HMCN1: variants seen among roughly 807,000 people sequenced by gnomAD.
The protein encoded by HMCN1 is hemicentin-1.
Under a neutral mutation model 625.9 loss-of-function variants are expected in HMCN1, and 321 were observed. That is an observed-to-expected ratio of 0.51 (90% CI 0.47 to 0.56). The LOEUF is 0.56. Ranked by LOEUF, HMCN1 falls within the 20% of genes least tolerant of loss-of-function variation. HMCN1 has a pLI of 0.00. For missense variants in HMCN1, 6,588 were observed against 6,887.3 expected, an observed-to-expected ratio of 0.96 and a Z score of 1.54; for synonymous variants, 2,425 against 2,417.6, an observed-to-expected ratio of 1.00 and a Z score of -0.09.
At chr1:185,798,622 C>T (rs1382414128) in intron 1 of HMCN1, among the ~76,000 whole-genome samples, 4 of 151,966 alleles carry the variant, frequency 2.6e-5, no homozygotes, top group African/African-American at 9.7e-5. Context: ...AAAGACCTGC[C>T]TTCAGACTCT....
intron 30 of HMCN1, among the ~76,000 whole-genome samples, chr1:186,009,985 C>T (rs368194541): frequency 1.3e-4 from 20 of 152,044 alleles, no homozygotes; most frequent in African/African-American, 4.3e-4. Context: ...AAATAGAGTT[C>T]GCGCTCCTAT....
At chr1:186,102,847 T>A (rs1429983962) in intron 68 of HMCN1, among the ~76,000 whole-genome samples, 1 of 152,140 alleles carries the variant, frequency 6.6e-6, no homozygotes, top group Non-Finnish European at 1.5e-5. Flanking sequence ...CTAAAGAACC[T>A]TAAATGTTTC....
chr1:186,082,354 G>T (rs1476964286), intron 56 of HMCN1, among the ~76,000 whole-genome samples: 1 of 152,118 alleles, frequency 6.6e-6, no homozygotes, highest in East Asian at 1.9e-4. Context: ...CATATCTGGG[G>T]CCTAAGTTGC....
At chr1:185,985,836 T>C (rs1049487534) in intron 19 of HMCN1, among the ~76,000 whole-genome samples, 2 of 152,194 alleles carry the variant, frequency 1.3e-5, no homozygotes, top group Non-Finnish European at 2.9e-5. Context: ...GTCAATCCAA[T>C]TCTTAAAATA....
intron 82 of HMCN1, 121 bp downstream of exon 82, chr1:186,125,915 A>T: frequency 1.4e-6 from 1 of 721,388 alleles, no homozygotes; most frequent in Non-Finnish European, 2.3e-6. Flanking sequence ...TTGTAAAATC[A>T]GGTCACAAAA....
In HMCN1 at chr1:186,017,081, T is replaced by C. The variant is rs1654415231; in HGVS notation, c.5300+10T>C. 1 of 1,423,128 alleles carries C rather than the reference T, an allele frequency of 7.0e-7. No individual in the cohort carries two copies. The highest frequency in any genetic ancestry group is 1.4e-5 in the African/African-American group (1 of 71,088). The allele number at this position is 1,423,128 out of a possible 1,614,324, so 88.2% of individuals were successfully genotyped here. A position where few individuals can be genotyped will look rare whatever the true frequency, so the allele number is the denominator to read the frequency against. ...CCCCACCAACTATCATGTAAGGGTTTTGGTATGTCTTCTAAATACCTCCTG... is the reference window on the plus strand; with the variant it reads ...CCCCACCAACTATCATGTAAGGGTTCTGGTATGTCTTCTAAATACCTCCTG... On this transcript the variant is annotated intron_variant, in intron 33 of 106. Transcript: ENST00000271588.
intron 1 of HMCN1, among the ~76,000 whole-genome samples, chr1:185,841,575 C>A (rs1159327571): frequency 6.6e-6 from 1 of 152,110 alleles, no homozygotes. Flanking sequence ...CTCCTCCTTC[C>A]TCCTATATTC....
intron 4 of HMCN1, among the ~76,000 whole-genome samples, chr1:185,866,855 TTTTG>T (rs1363118091): frequency 5.3e-5 from 8 of 152,146 alleles, no homozygotes; most frequent in Non-Finnish European, 1.2e-4. Flanking sequence ...TATTTTTATT[TTTTG>T]TTTAGTCCTT....
chr1:186,168,456 A>G (rs893183589), intron 100 of HMCN1, among the ~76,000 whole-genome samples: 2 of 144,212 alleles, frequency 1.4e-5, no homozygotes, highest in Non-Finnish European at 3.0e-5. Context: ...TCAAAAAAAA[A>G]AAAAAAGTAT....
rs767885484 is a variant in HMCN1, at chr1:186,189,517, G to T, written c.16547G>T (p.Cys5516Phe). The T allele has an allele frequency of 1.6e-5, 26 of 1,612,950 alleles. No individual in the cohort carries two copies. The highest frequency in any genetic ancestry group is 2.2e-5 in the Non-Finnish European group (26 of 1,179,722). ...GATATGTTTGTTGTCCTTAGGTTCT[G>T]CCTCAAGAACTGTCCACCCAATGAT... ...NYQRDPVSGF[C>F]LKNCPPNDLE... Residue 5516 changes from cysteine to phenylalanine, a missense_variant, in exon 107 of 107, where the codon TGC becomes TTC. By Grantham distance (205) the Cys-to-Phe change is radical. Coordinates refer to ENST00000271588, the MANE Select transcript of HMCN1 (RefSeq NM_031935.3).
chr1:186,044,639 CT>C (rs1051890641), intron 40 of HMCN1, among the ~76,000 whole-genome samples: 1 of 152,052 alleles, frequency 6.6e-6, no homozygotes, highest in Non-Finnish European at 1.5e-5. Context: ...ACAACTTAAC[CT>C]TTTTTTGTAA....
chr1:185,924,956 A>G (rs965111843), intron 8 of HMCN1, 91 bp from the exon 9 acceptor site: 1 of 1,101,158 alleles, frequency 9.1e-7, no homozygotes, highest in Admixed American at 2.0e-5. Context: ...ATTTAAGTAT[A>G]AAGATTTTGA....
intron 93 of HMCN1, among the ~76,000 whole-genome samples, chr1:186,146,280 T>A (rs924794213): frequency 6.6e-6 from 1 of 152,154 alleles, no homozygotes; most frequent in African/African-American, 2.4e-5. Flanking sequence ...GGATGGGAAT[T>A]TGAATGACAT....
At chr1:185,866,502 T>C (rs981042752) in intron 4 of HMCN1, among the ~76,000 whole-genome samples, 2 of 150,934 alleles carry the variant, frequency 1.3e-5, no homozygotes, top group Admixed American at 1.3e-4. Flanking sequence ...CCTCCTGGGT[T>C]CACGCCATTC....
chr1:185,778,962 A>T (rs1439342909), intron 1 of HMCN1, among the ~76,000 whole-genome samples: 1 of 152,224 alleles, frequency 6.6e-6, no homozygotes, highest in East Asian at 1.9e-4. Context: ...ACTGCCACCA[A>T]CAGTGTAAAA....
At chr1:186,110,114 T>C (rs1660806609) in intron 71 of HMCN1, among the ~76,000 whole-genome samples, 2 of 152,144 alleles carry the variant, frequency 1.3e-5, no homozygotes, top group African/African-American at 4.8e-5. Context: ...CAAGAAGAGA[T>C]TGTAGAAATC....
intron 93 of HMCN1, among the ~76,000 whole-genome samples, chr1:186,150,133 T>TA (rs11375885): frequency 0.37 from 55,653 of 151,830 alleles, 11,340 homozygotes; most frequent in East Asian, 0.59. Context: ...CTTCAATTTG[T>TA]AAAAAAAACG....
At chr1:186,102,672 A>AT (rs1256649510) in intron 68 of HMCN1, among the ~76,000 whole-genome samples, 1 of 152,154 alleles carries the variant, frequency 6.6e-6, no homozygotes, top group Non-Finnish European at 1.5e-5. Context: ...GAAAAAAGAA[A>AT]GAAAAACAAA....
intron 82 of HMCN1, 58 bp downstream of exon 82, chr1:186,125,852 C>A: frequency 7.6e-7 from 1 of 1,322,616 alleles, no homozygotes; most frequent in Non-Finnish European, 1.1e-6. Flanking sequence ...TGCCATCATA[C>A]TTTTAGTAAT....
Sources: gnomAD v4.1 joint callset for allele counts (sites outside exome capture counted in the v4.1 genomes callset) on GRCh38, gnomAD v4.1.1 for gene constraint, MANE v1.5 for transcripts, NCBI Gene and HGNC (gene_info 2026-07-23, HGNC 2026-07-21) for gene names.